SH3GL2: variants seen among roughly 807,000 people sequenced by gnomAD.
The protein encoded by SH3GL2 is SH3 domain containing GRB2 like 2, endophilin A1.
A neutral mutation model predicts 46.0 loss-of-function variants in SH3GL2; 24 were observed. The ratio of observed to expected loss-of-function variants is 0.52; its 90% CI spans 0.38 to 0.73. The LOEUF (loss-of-function observed/expected upper bound fraction) is 0.73, where lower values mean the gene tolerates loss of function less well. SH3GL2 is among the 30% of genes least tolerant of loss of function. SH3GL2 has a pLI of 0.00. For synonymous variants in SH3GL2, 196 were observed against 147.1 expected (o/e 1.33, Z -2.40); for missense variants, 413 against 424.2 (o/e 0.97, Z 0.23).
At chr9:17,687,061 C>G (rs915642496) in intron 1 of SH3GL2, among the ~76,000 whole-genome samples, 8 of 151,958 alleles carry the variant, frequency 5.3e-5, no homozygotes, top group African/African-American at 1.9e-4. Flanking sequence ...TGATCCCAGA[C>G]TGAAGATGCA....
At chr9:17,758,776 G>A (rs1365188342) in intron 2 of SH3GL2, among the ~76,000 whole-genome samples, 2 of 108,066 alleles carry the variant, frequency 1.9e-5, no homozygotes, top group African/African-American at 6.6e-5. Flanking sequence ...AACTTGCTCT[G>A]TAATGATGCC....
intron 1 of SH3GL2, among the ~76,000 whole-genome samples, chr9:17,623,621 T>G (rs1819209060): frequency 6.6e-6 from 1 of 151,842 alleles, no homozygotes; most frequent in Non-Finnish European, 1.5e-5. Flanking sequence ...CATTTCAAAT[T>G]TACAGAAAAA....
chr9:17,758,148 A>C (rs1453801061), intron 2 of SH3GL2, among the ~76,000 whole-genome samples: 1 of 152,178 alleles, frequency 6.6e-6, no homozygotes, highest in African/African-American at 2.4e-5. Flanking sequence ...ACACTTAAAG[A>C]GCTCCTTTCC....
chr9:17,726,609 A>AAT (rs1822026263), intron 1 of SH3GL2, among the ~76,000 whole-genome samples: 1 of 152,178 alleles, frequency 6.6e-6, no homozygotes, highest in South Asian at 2.1e-4. Flanking sequence ...GAGACAACCC[A>AAT]ATAGCAGAAC....
At chr9:17,737,067 C>G (rs770690295) in intron 1 of SH3GL2, among the ~76,000 whole-genome samples, 4 of 152,202 alleles carry the variant, frequency 2.6e-5, no homozygotes, top group African/African-American at 9.6e-5. Context: ...ATAGCCGAAG[C>G]TGGAAACCAT....
intron 2 of SH3GL2, among the ~76,000 whole-genome samples, chr9:17,752,214 C>G (rs1822867274): frequency 6.6e-6 from 1 of 152,110 alleles, no homozygotes; most frequent in African/African-American, 2.4e-5. Context: ...ACTCTTGGAC[C>G]TGCCTGTATC....
At chr9:17,761,607 T>A (rs1823177318) in intron 3 of SH3GL2, 98 bp downstream of exon 3, 10 of 840,274 alleles carry the variant, frequency 1.2e-5, no homozygotes, top group African/African-American at 1.0e-4. Flanking sequence ...TCTTTTGGTG[T>A]TGCTTCCTCG....
intron 3 of SH3GL2, 130 bp from the exon 4 acceptor site, chr9:17,786,251 C>T (rs750658835): frequency 1.9e-5 from 14 of 727,530 alleles, no homozygotes; most frequent in African/African-American, 9.0e-5. Flanking sequence ...AACACTGGAG[C>T]GTACTGAAGG....
intron 3 of SH3GL2, among the ~76,000 whole-genome samples, chr9:17,780,533 G>C (rs1471394083): frequency 7.0e-6 from 1 of 143,614 alleles, no homozygotes; most frequent in African/African-American, 2.6e-5. Context: ...ACATTGTGCA[G>C]GTTAGTTACA....
chr9:17,634,140 C>T (rs993322361), intron 1 of SH3GL2, among the ~76,000 whole-genome samples: 8 of 152,088 alleles, frequency 5.3e-5, no homozygotes, highest in African/African-American at 9.7e-5. Context: ...CTCATCTGTA[C>T]GGTGGAGACC....
intron 5 of SH3GL2, among the ~76,000 whole-genome samples, chr9:17,788,877 G>T (rs934209316): frequency 4.0e-5 from 6 of 150,660 alleles, no homozygotes; most frequent in Non-Finnish European, 7.4e-5. Context: ...CAAGAGCTCA[G>T]GAATCCATAT....
At chr9:17,654,754 G>C (rs1820033493) in intron 1 of SH3GL2, among the ~76,000 whole-genome samples, 1 of 152,194 alleles carries the variant, frequency 6.6e-6, no homozygotes, top group South Asian at 2.1e-4. Flanking sequence ...GCAGGAATGA[G>C]AACACATTAT....
chr9:17,643,775 G>A (rs1235956430), intron 1 of SH3GL2, among the ~76,000 whole-genome samples: 1 of 152,176 alleles, frequency 6.6e-6, no homozygotes, highest in Non-Finnish European at 1.5e-5. Flanking sequence ...GTTCATCAGG[G>A]ATGTTGGCCT....
chr9:17,793,572 A>G (rs762877989), intron 8 of SH3GL2, 75 bp downstream of exon 8: 37 of 1,442,172 alleles, frequency 2.6e-5, no homozygotes, highest in Admixed American at 1.0e-4. Flanking sequence ...AATTTTAGGA[A>G]TAGTCCAATC....
intron 1 of SH3GL2, among the ~76,000 whole-genome samples, chr9:17,607,852 G>C (rs1212127775): frequency 6.6e-6 from 1 of 152,088 alleles, no homozygotes; most frequent in Non-Finnish European, 1.5e-5. Flanking sequence ...TATGACACTT[G>C]GTATCATCAC....
chr9:17,647,424 T>TCTCC (rs1356674893), intron 1 of SH3GL2, among the ~76,000 whole-genome samples: 1 of 151,636 alleles, frequency 6.6e-6, no homozygotes, highest in East Asian at 1.9e-4. Flanking sequence ...TCTCTCTCTC[T>TCTCC]CTCTGTCTCT....
chr9:17,614,525 C>A (rs1818942823), intron 1 of SH3GL2, among the ~76,000 whole-genome samples: 1 of 152,004 alleles, frequency 6.6e-6, no homozygotes, highest in East Asian at 1.9e-4. Flanking sequence ...TAGCTATTTT[C>A]TGTCATAGGG....
chr9:17,680,112 C>A (rs1457657821), intron 1 of SH3GL2, among the ~76,000 whole-genome samples: 6 of 151,854 alleles, frequency 4.0e-5, no homozygotes, highest in South Asian at 2.1e-4. Context: ...TGTCTCTGCC[C>A]GGCTTTGGTA....
intron 1 of SH3GL2, among the ~76,000 whole-genome samples, chr9:17,705,459 G>A (rs190989583): frequency 8.3e-4 from 125 of 150,934 alleles, no homozygotes; most frequent in African/African-American, 2.9e-3. Context: ...CAGCACAGCA[G>A]TATTCACAGT....
Sources: gnomAD v4.1 joint callset for allele counts (sites outside exome capture counted in the v4.1 genomes callset) on GRCh38, gnomAD v4.1.1 for gene constraint, MANE v1.5 for transcripts, NCBI Gene and HGNC (gene_info 2026-07-23, HGNC 2026-07-21) for gene names.